The following PCDH15 variants were observed in gnomAD, a reference collection of about 807,000 sequenced individuals.
The protein encoded by PCDH15 is protocadherin related 15.
A neutral mutation model predicts 178.5 loss-of-function variants in PCDH15; 129 were observed. The ratio of observed to expected loss-of-function variants is 0.72; its 90% CI spans 0.63 to 0.84. The LOEUF (loss-of-function observed/expected upper bound fraction) is 0.84. Ranked by LOEUF, PCDH15 falls within the 40% of genes least tolerant of loss-of-function variation. The pLI is 0.00. For synonymous variants in PCDH15, 800 were observed against 732.0 expected, an observed-to-expected ratio of 1.09 and a Z score of -1.50; for missense variants, 2,230 against 2,099.9, an observed-to-expected ratio of 1.06 and a Z score of -1.21.
intron 1 of PCDH15, among the ~76,000 whole-genome samples, chr10:54,753,251 T>C (rs1032813290): frequency 6.6e-6 from 1 of 151,978 alleles, no homozygotes; most frequent in Non-Finnish European, 1.5e-5. Context: ...TGGCCTGATC[T>C]CTGCTCACCG....
At chr10:55,560,051 A>G (rs2132097631) in intron 2 of PCDH15, among the ~76,000 whole-genome samples, 1 of 152,102 alleles carries the variant, frequency 6.6e-6, no homozygotes, top group South Asian at 2.1e-4. Context: ...TTATATTAAA[A>G]TAAATTCATG....
intron 1 of PCDH15, among the ~76,000 whole-genome samples, chr10:54,780,752 G>C (rs927647728): frequency 7.0e-5 from 9 of 128,172 alleles, no homozygotes; most frequent in East Asian, 2.5e-4. Context: ...AAAAAAAAAA[G>C]AAAATTCTAG....
chr10:55,527,024 A>T (rs1454407453), intron 2 of PCDH15, among the ~76,000 whole-genome samples: 1 of 152,088 alleles, frequency 6.6e-6, no homozygotes, highest in African/African-American at 2.4e-5. Context: ...TGCTTAAATT[A>T]GTATAAATGT....
intron 2 of PCDH15, among the ~76,000 whole-genome samples, chr10:55,333,446 G>A (rs1293744604): frequency 6.6e-6 from 1 of 151,696 alleles, no homozygotes. Context: ...TAAATGGCAG[G>A]GAAGAGACAA....
At chr10:54,427,555 G>A (rs1175075489) in intron 3 of PCDH15, among the ~76,000 whole-genome samples, 1 of 151,922 alleles carries the variant, frequency 6.6e-6, no homozygotes, top group African/African-American at 2.4e-5. Flanking sequence ...TGGGATTACA[G>A]GCGTGAGCCA....
intron 26 of PCDH15, among the ~76,000 whole-genome samples, chr10:53,892,741 A>G (rs531354830): frequency 1.8e-4 from 28 of 152,328 alleles, no homozygotes; most frequent in Non-Finnish European, 3.2e-4. Flanking sequence ...GGATTAGACT[A>G]TTTGAAACGG....
At position 55,260,715 on chromosome 10, in the gene PCDH15, T is replaced by C. The variant is rs377635767; in HGVS notation, c.-156+58884A>G. ...AAGTCATTTAAATACAAATAACGTA[T>C]GCCATATTTGCATTTAACAAGTTAA... On this transcript the variant is annotated intron_variant, in intron 1 of 5. Coordinates refer to the PCDH15 transcript ENST00000458638. 4.6e-5 allele frequency among the ~76,000 whole-genome samples: 7 copies of C among 152,322 alleles called. No individual in the cohort carries two copies. In the East Asian group the frequency reaches 7.7e-4, roughly 17 times the overall value.
At chr10:55,264,844 T>C (rs1308671649) in intron 1 of PCDH15, among the ~76,000 whole-genome samples, 1 of 152,144 alleles carries the variant, frequency 6.6e-6, no homozygotes, top group Non-Finnish European at 1.5e-5. Context: ...CTGGAACTTT[T>C]CTATACATGT....
intron 21 of PCDH15, among the ~76,000 whole-genome samples, chr10:53,974,818 G>A (rs542802983): frequency 2.5e-4 from 38 of 151,866 alleles, no homozygotes; most frequent in African/African-American, 8.9e-4. Context: ...GGGTACATGT[G>A]CAAGTCTGTT....
chr10:54,432,806 A>G (rs1957114332), intron 3 of PCDH15, among the ~76,000 whole-genome samples: 1 of 152,092 alleles, frequency 6.6e-6, no homozygotes, highest in South Asian at 2.1e-4. Flanking sequence ...AGAATGATAG[A>G]AAATATTTGC....
chr10:54,790,438 TA>T (rs1344473983), intron 1 of PCDH15, among the ~76,000 whole-genome samples: 1 of 151,860 alleles, frequency 6.6e-6, no homozygotes, highest in Non-Finnish European at 1.5e-5. Context: ...TCCCAATAGT[TA>T]AACTTGGCCT....
chr10:55,200,882 T>C lies in PCDH15; in HGVS notation c.-155-34231A>G, dbSNP rs189651270. Among the ~76,000 whole-genome samples the C allele has an allele frequency of 1.9e-3, 286 of 152,154 alleles. 5 individuals are homozygous for C. Among genetic ancestry groups the C allele is most frequent in the African/African-American group, 6.5e-3 (269 of 41,458 alleles). On this transcript the variant is annotated intron_variant, in intron 1 of 5. Transcript: ENST00000458638. Reference sequence around the variant, plus strand: ...TCCCCTTCTGCCATGATTATAAGTTTCCTGAAGCCTCCCTGCCATGCTTCC... The same window carrying C: ...TCCCCTTCTGCCATGATTATAAGTTCCCTGAAGCCTCCCTGCCATGCTTCC...
intron 3 of PCDH15, among the ~76,000 whole-genome samples, chr10:54,389,939 T>C (rs1401213289): frequency 6.6e-6 from 1 of 152,096 alleles, no homozygotes; most frequent in Non-Finnish European, 1.5e-5. Context: ...TGAGACTCCG[T>C]CTTAAAATAA....
chr10:54,222,071 A>G (rs1591267089), intron 9 of PCDH15, among the ~76,000 whole-genome samples: 1 of 152,304 alleles, frequency 6.6e-6, no homozygotes, highest in African/African-American at 2.4e-5. Flanking sequence ...ACATTGATGA[A>G]CACTTGAGTT....
chr10:54,285,422 A>G (rs1274587643), intron 8 of PCDH15, among the ~76,000 whole-genome samples: 1 of 152,180 alleles, frequency 6.6e-6, no homozygotes, highest in Non-Finnish European at 1.5e-5. Flanking sequence ...AAAAAATCTG[A>G]ATAGATATTT....
intron 9 of PCDH15, among the ~76,000 whole-genome samples, chr10:54,235,459 A>C (rs1185357001): frequency 6.6e-6 from 1 of 152,122 alleles, no homozygotes; most frequent in Admixed American, 6.6e-5. Context: ...GTCTGTTATT[A>C]AATTTCATCC....
At chr10:55,550,978 C>T (rs967484681) in intron 2 of PCDH15, among the ~76,000 whole-genome samples, 3 of 151,860 alleles carry the variant, frequency 2.0e-5, no homozygotes, top group East Asian at 1.9e-4. Flanking sequence ...TAGAGGAGTA[C>T]GTTAAATTAT....
chr10:54,706,784 C>T (rs1180612745), intron 1 of PCDH15, among the ~76,000 whole-genome samples: 2 of 151,988 alleles, frequency 1.3e-5, no homozygotes, highest in East Asian at 3.9e-4. Flanking sequence ...CCACCATGCC[C>T]GGCTATTTTT....
intron 2 of PCDH15, among the ~76,000 whole-genome samples, chr10:54,956,616 A>G (rs1838494797): frequency 6.6e-6 from 1 of 151,632 alleles, no homozygotes; most frequent in African/African-American, 2.4e-5. Context: ...TAAAATTAAT[A>G]CTATGTCATA....
Sources: gnomAD v4.1 joint callset for allele counts (sites outside exome capture counted in the v4.1 genomes callset) on GRCh38, gnomAD v4.1.1 for gene constraint, MANE v1.5 for transcripts, NCBI Gene and HGNC (gene_info 2026-07-23, HGNC 2026-07-21) for gene names.